TENM1: variants seen among roughly 807,000 people sequenced by gnomAD.
The protein encoded by TENM1 is teneurin transmembrane protein 1.
TENM1 carries 35 observed loss-of-function variants against 174.8 expected under a neutral mutation model. The observed-to-expected ratio is 0.20, with a 90% confidence interval of 0.15 to 0.27. TENM1 has a LOEUF of 0.27. TENM1 is among the 10% of genes least tolerant of loss of function. The pLI, the probability that TENM1 is intolerant of heterozygous loss-of-function variation, is 1.00. For missense variants in TENM1, 1,633 were observed against 2,130.1 expected (o/e 0.77, Z 4.59); for synonymous variants, 781 against 798.7 (o/e 0.98, Z 0.37).
chrX:124,791,237 T>G (rs2055172741), intron 3 of TENM1, among the ~76,000 whole-genome samples: 1 of 112,337 alleles, frequency 8.9e-6, no homozygotes, highest in African/African-American at 3.2e-5. Flanking sequence ...TAACGATTTC[T>G]GAAAAAGCAG....
chrX:124,591,137 G>A (rs1420514203), intron 11 of TENM1, among the ~76,000 whole-genome samples: 1 of 111,910 alleles, frequency 8.9e-6, no homozygotes. Context: ...TGTGTGAGAT[G>A]AGTCTCTTAA....
intron 4 of TENM1, among the ~76,000 whole-genome samples, chrX:124,707,969 T>C (rs1274859753): frequency 2.7e-5 from 3 of 112,586 alleles, no homozygotes; most frequent in Admixed American, 1.9e-4. Flanking sequence ...GTTGTTTCAA[T>C]ACATATACAT....
intron 3 of TENM1, among the ~76,000 whole-genome samples, chrX:124,761,514 C>T (rs1231415419): frequency 6.2e-5 from 5 of 80,226 alleles, no homozygotes; most frequent in Admixed American, 5.8e-4. Context: ...GGACACAGAG[C>T]GGGGAACATC....
the TENM1 span, among the ~76,000 whole-genome samples, chrX:124,990,229 T>C: frequency 4.5e-5 from 5 of 111,473 alleles, no homozygotes; most frequent in East Asian, 1.4e-3. Flanking sequence ...CCTTCCCAGC[T>C]TGAAAATAAG....
At chrX:124,897,114 G>A (rs2057575718) in intron 1 of TENM1, among the ~76,000 whole-genome samples, 1 of 111,573 alleles carries the variant, frequency 9.0e-6, no homozygotes, top group Non-Finnish European at 1.9e-5. Context: ...CATGGTTTCT[G>A]GTATACAACA....
intron 6 of TENM1, among the ~76,000 whole-genome samples, chrX:124,662,181 G>A (rs1253781122): frequency 9.0e-6 from 1 of 110,627 alleles, no homozygotes; most frequent in African/African-American, 3.3e-5. Context: ...CAAGTCTCTC[G>A]CAGTGGCTCA....
chrX:124,908,665 A>AT (rs2057787834), intron 1 of TENM1, among the ~76,000 whole-genome samples: 1 of 110,516 alleles, frequency 9.0e-6, no homozygotes. Context: ...CTTAAAGTAA[A>AT]TTTTTTTAAA....
At chrX:125,034,050 C>A in the TENM1 span, among the ~76,000 whole-genome samples, 4 of 111,406 alleles carry the variant, frequency 3.6e-5, no homozygotes, top group Non-Finnish European at 7.5e-5. Context: ...CATTTTATAG[C>A]TGTAGAAACC....
intron 3 of TENM1, among the ~76,000 whole-genome samples, chrX:124,852,631 T>C (rs187706576): frequency 5.4e-5 from 6 of 111,097 alleles, no homozygotes; most frequent in Non-Finnish European, 1.1e-4. Context: ...AGCCATCTAG[T>C]AGATATCCAA....
At chrX:124,877,828 C>T (rs745534845) in intron 3 of TENM1, among the ~76,000 whole-genome samples, 21 of 110,808 alleles carry the variant, frequency 1.9e-4, no homozygotes, top group Admixed American at 3.9e-4. Context: ...GGAAGACTTG[C>T]CAATAACAAA....
chrX:124,745,037 A>G (rs1453442499), intron 3 of TENM1, among the ~76,000 whole-genome samples: 3 of 112,270 alleles, frequency 2.7e-5, no homozygotes, highest in Non-Finnish European at 3.8e-5. Flanking sequence ...AATAAACAAA[A>G]AAAGCAAAAG....
At chrX:125,175,567 T>C in the TENM1 span, among the ~76,000 whole-genome samples, 4 of 111,366 alleles carry the variant, frequency 3.6e-5, no homozygotes, top group African/African-American at 1.3e-4. Context: ...ATAATCTACT[T>C]TGATTTCTAT....
At chrX:124,915,743 G>T (rs2057912066) in intron 1 of TENM1, among the ~76,000 whole-genome samples, 1 of 29 alleles carries the variant, frequency 0.034, no homozygotes, top group African/African-American at 0.5. Flanking sequence ...TTGCATGAGT[G>T]TAGCTTCACA....
At chrX:124,761,723 T>C (rs1337241442) in intron 3 of TENM1, among the ~76,000 whole-genome samples, 2 of 111,747 alleles carry the variant, frequency 1.8e-5, no homozygotes, top group Non-Finnish European at 3.8e-5. Context: ...AATGGGATCA[T>C]ACTATTTCCA....
chrX:125,140,660 C>G, the TENM1 span, among the ~76,000 whole-genome samples: 8,750 of 111,771 alleles, frequency 0.078, 305 homozygotes, highest in Middle Eastern at 0.12. Flanking sequence ...TCCTAAGTAC[C>G]CTGACTTGTG....
intron 11 of TENM1, among the ~76,000 whole-genome samples, chrX:124,618,708 C>T (rs2050449347): frequency 8.9e-6 from 1 of 111,942 alleles, no homozygotes; most frequent in African/African-American, 3.2e-5. Flanking sequence ...AACCAGTTGC[C>T]TTCATTTCCA....
intron 11 of TENM1, among the ~76,000 whole-genome samples, chrX:124,583,114 C>G (rs908772599): frequency 8.9e-6 from 1 of 111,857 alleles, no homozygotes; most frequent in African/African-American, 3.3e-5. Flanking sequence ...AGGGCACAGA[C>G]AAACAAAAAG....
At position 124,668,238 on chromosome X, in the gene TENM1, T is replaced by C. The variant is rs745437651; in HGVS notation, c.1168+3445A>G. Among the ~76,000 whole-genome samples the C allele has an allele frequency of 2.4e-3, 265 of 111,858 alleles. 1 individual carries two copies. Among genetic ancestry groups the C allele is most frequent in the African/African-American group, 8.0e-3 (247 of 30,797 alleles). On this transcript the variant is annotated intron_variant, in intron 6 of 31. Coordinates refer to ENST00000422452, the Ensembl canonical transcript of TENM1. ...GGATGTAGAGAAATAGAAACACTTT[T>C]ACACTGTTGGTGGGACTGTAAACTA...
At chrX:124,756,642 T>C (rs935568081) in intron 3 of TENM1, among the ~76,000 whole-genome samples, 1 of 110,579 alleles carries the variant, frequency 9.0e-6, no homozygotes, top group African/African-American at 3.3e-5. Flanking sequence ...TGGTCTTTGA[T>C]GATGGTGATG....
Sources: allele counts gnomAD v4.1 joint callset (sites outside exome capture counted in the v4.1 genomes callset), GRCh38; gene constraint gnomAD v4.1.1; transcripts MANE v1.5; gene names NCBI Gene and HGNC (gene_info 2026-07-23, HGNC 2026-07-21).